The following RAB9B variants were observed in gnomAD, a reference collection of about 807,000 sequenced individuals.
The protein encoded by RAB9B is RAB9B, member RAS oncogene family, also known as ras-related protein Rab-9B.
Under a neutral mutation model 8.9 loss-of-function variants are expected in RAB9B, and 1 was observed. That is an observed-to-expected ratio of 0.11 (90% CI 0.04 to 0.53). RAB9B has a LOEUF of 0.53. Among genes scored for constraint, RAB9B ranks in the 20% least tolerant of loss-of-function variants. The pLI, the probability that RAB9B is intolerant of heterozygous loss-of-function variation, is 0.93. For synonymous variants in RAB9B, 63 were observed against 57.0 expected (o/e 1.10, Z -0.47); for missense variants, 82 against 152.9 (o/e 0.54, Z 2.45).
At chrX:103,790,645 A>T in the RAB9B span, 56 of 931,260 alleles carry the variant, frequency 6.0e-5, no homozygotes, top group Admixed American at 1.2e-3. Context: ...CTCTAACCAC[A>T]CAGCCTACAA....
At chrX:103,796,847 CAAAAAA>C in the RAB9B span, among the ~76,000 whole-genome samples, 1 of 12,110 alleles carries the variant, frequency 8.3e-5, no homozygotes, top group African/African-American at 2.5e-4. Context: ...ACCGCCTCTA[CAAAAAA>C]AAAAAAAAAA....
chrX:103,797,869 A>T, the RAB9B span, among the ~76,000 whole-genome samples: 1 of 111,847 alleles, frequency 8.9e-6, no homozygotes, highest in Non-Finnish European at 1.9e-5. Flanking sequence ...ACCTGAAGGA[A>T]GTGTACTCCA....
At chrX:103,782,899 C>T in the RAB9B span, among the ~76,000 whole-genome samples, 1 of 112,179 alleles carries the variant, frequency 8.9e-6, no homozygotes, top group Non-Finnish European at 1.9e-5. Flanking sequence ...GGGCTCTGTC[C>T]AAGCCCTGAC....
In RAB9B at chrX:103,823,269, G is replaced by C. The variant is rs947835199; in HGVS notation, c.*1910C>G. On this transcript the variant is annotated 3_prime_UTR_variant, in exon 3 of 3. Transcript: ENST00000243298. ...TGTGGCTGGCTATAGGCATAGGCAG[G>C]ATAGGGACCAGTACTTAAGAGCTGT... 2.1e-4 allele frequency: 24 copies of C among 112,096 alleles called. No homozygotes were observed. In the Admixed American group the frequency reaches 2.3e-3, roughly 11 times the overall value. 9.2% of individuals were successfully genotyped at this position (112,096 alleles called of 1,213,427 possible).
rs1456483219 is a variant in RAB9B, at chrX:103,823,747, T to C, written c.*1432A>G. The C allele has an allele frequency of 8.9e-6, 1 of 112,292 alleles. No homozygotes were observed. Among genetic ancestry groups the C allele is most frequent in the Non-Finnish European group, 1.9e-5 (1 of 53,251 alleles). The allele number at this position is 112,292 out of a possible 1,213,427, so 9.3% of individuals were successfully genotyped here. On this transcript the variant is annotated 3_prime_UTR_variant, in exon 3 of 3. Transcript: ENST00000243298. ...TTTTAACATGGGAGCTTTAAGATGTTTTTTATCAGTCACATAAAGATTACT... is the reference window on the plus strand; with the variant it reads ...TTTTAACATGGGAGCTTTAAGATGTCTTTTATCAGTCACATAAAGATTACT...
chrX:103,793,134 T>A, the RAB9B span, among the ~76,000 whole-genome samples: 1 of 112,238 alleles, frequency 8.9e-6, no homozygotes, highest in Non-Finnish European at 1.9e-5. Context: ...AGAGCAGGTA[T>A]GGAAAGGGCA....
chrX:103,785,822 T>C, the RAB9B span: 792 of 1,050,375 alleles, frequency 7.5e-4, no homozygotes, highest in Non-Finnish European at 9.9e-4. Context: ...CTCTCCATCC[T>C]GGAGATAGAG....
chrX:103,782,757 C>T, the RAB9B span, among the ~76,000 whole-genome samples: 1 of 106,175 alleles, frequency 9.4e-6, no homozygotes, highest in African/African-American at 3.5e-5. Flanking sequence ...CTCGGCTAAA[C>T]AAACAGTCCT....
At chrX:103,820,698 C>G (rs1368034214), downstream of RAB9B, among the ~76,000 whole-genome samples, 1 of 110,645 alleles carries the variant, frequency 9.0e-6, no homozygotes. Context: ...CACCTGTAAT[C>G]CCAGAACTTT....
At chrX:103,820,674 G>A (rs188781811), downstream of RAB9B, among the ~76,000 whole-genome samples, 14 of 110,867 alleles carry the variant, frequency 1.3e-4, no homozygotes, top group South Asian at 3.9e-3. Flanking sequence ...TATGGGCCCC[G>A]GTGCATTGGC....
At chrX:103,780,900 C>T in the RAB9B span, 38 of 117,855 alleles carry the variant, frequency 3.2e-4, no homozygotes, top group Admixed American at 6.0e-4. Context: ...AAGGAGGCCT[C>T]TGTTCATGGG....
At chrX:103,818,368 C>T (rs1207374682), downstream of RAB9B, among the ~76,000 whole-genome samples, 1 of 111,349 alleles carries the variant, frequency 9.0e-6, no homozygotes, top group Non-Finnish European at 1.9e-5. Flanking sequence ...GTGTTGATGT[C>T]ATTTGGGATA....
intron 1 of RAB9B, among the ~76,000 whole-genome samples, chrX:103,831,723 A>G (rs2074704366): frequency 1.8e-5 from 2 of 109,377 alleles, no homozygotes; most frequent in Admixed American, 9.7e-5. Context: ...CATAGTCCCA[A>G]CTACCTCCGA....
chrX:103,806,182 G>A, the RAB9B span, among the ~76,000 whole-genome samples: 1 of 110,938 alleles, frequency 9.0e-6, no homozygotes, highest in Non-Finnish European at 1.9e-5. Flanking sequence ...AAGATGAAAA[G>A]TTGGTTATTG....
the RAB9B span, among the ~76,000 whole-genome samples, chrX:103,816,643 C>A: frequency 8.9e-6 from 1 of 111,982 alleles, no homozygotes; most frequent in Non-Finnish European, 1.9e-5. Context: ...AGTGAACAGG[C>A]AACCTACAGA....
the RAB9B span, among the ~76,000 whole-genome samples, chrX:103,817,139 A>G: frequency 2.7e-5 from 3 of 111,979 alleles, no homozygotes; most frequent in African/African-American, 9.7e-5. Context: ...ACGTATGATT[A>G]TTGTGGCACT....
downstream of RAB9B, among the ~76,000 whole-genome samples, chrX:103,821,927 A>G (rs192048147): frequency 2.6e-3 from 291 of 111,519 alleles, 1 homozygote; most frequent in African/African-American, 9.0e-3. Context: ...ATTATAATAA[A>G]GAAATAAAGT....
chrX:103,798,304 A>G, the RAB9B span, among the ~76,000 whole-genome samples: 2 of 112,359 alleles, frequency 1.8e-5, no homozygotes, highest in East Asian at 2.8e-4. Flanking sequence ...TTGATAATAT[A>G]TACTTACACA....
At chrX:103,786,840 G>T in the RAB9B span, 1 of 787,627 alleles carries the variant, frequency 1.3e-6, no homozygotes. Flanking sequence ...TGGCATTTGA[G>T]TGAGGAAGCG....
Sources: allele counts gnomAD v4.1 joint callset (sites outside exome capture counted in the v4.1 genomes callset), GRCh38; gene constraint gnomAD v4.1.1; transcripts MANE v1.5; gene names NCBI Gene and HGNC (gene_info 2026-07-23, HGNC 2026-07-21).